CIB1: variants seen among roughly 807,000 people sequenced by gnomAD.
The protein encoded by CIB1 is calcium and integrin-binding protein 1.
CIB1 carries 19 observed loss-of-function variants against 25.0 expected under a neutral mutation model. That is an observed-to-expected ratio of 0.76 (90% confidence interval 0.53 to 1.12). The LOEUF is 1.12. Among genes scored for constraint, CIB1 ranks in the 50% most tolerant of loss-of-function variants. The probability of loss-of-function intolerance (pLI) is 0.00; values close to 1 mark genes in which losing one functional copy is unlikely to be tolerated. For missense variants in CIB1, 236 were observed against 242.6 expected (o/e 0.97, Z 0.18); for synonymous variants, 104 against 98.5 (o/e 1.06, Z -0.33).
the CIB1 span, among the ~76,000 whole-genome samples, chr15:90,251,124 T>C: frequency 7.2e-6 from 1 of 138,640 alleles, no homozygotes; most frequent in Non-Finnish European, 1.6e-5. Flanking sequence ...CTTTTTTTTT[T>C]TTTTTTTGAG....
the CIB1 span, among the ~76,000 whole-genome samples, chr15:90,251,114 C>CTTTTTTTTTTTTTTTTTTT: frequency 2.9e-5 from 3 of 104,672 alleles, no homozygotes; most frequent in African/African-American, 7.5e-5. Context: ...CCTGGTCTGT[C>CTTTTTTTTTTTTTTTTTTT]TTTTTTTTTT....
rs759438036 is a variant in CIB1 at position 90,231,522 on chromosome 15, G to A, written c.196-15C>T. The A allele has an allele frequency of 1.2e-5, 20 of 1,611,980 alleles. No individual in the cohort carries two copies. In the East Asian group the frequency reaches 2.0e-4, roughly 16 times the overall value. ...AAGGGGTTGGCCTAGGAGAACAAAC[G>A]CCACAGGACGTGGCCCAGGTCACAC... is the stretch of plus-strand genomic sequence containing the variant. On this transcript the variant is annotated splice_polypyrimidine_tract_variant and intron_variant, in intron 3 of 6. Transcript: ENST00000328649.
chr15:90,263,034 G>A, the CIB1 span: 3 of 1,536,138 alleles, frequency 2.0e-6, no homozygotes, highest in South Asian at 1.2e-5. Context: ...TGGAGCGGAT[G>A]AAGGCCCTGC....
At chr15:90,264,621 G>A in the CIB1 span, 17 of 1,351,266 alleles carry the variant, frequency 1.3e-5, no homozygotes, top group Middle Eastern at 2.6e-4. Flanking sequence ...AGCATGAGAT[G>A]CCCTTCCTCT....
chr15:90,248,786 C>A, the CIB1 span, among the ~76,000 whole-genome samples: 11 of 105,104 alleles, frequency 1.0e-4, no homozygotes, highest in Admixed American at 3.8e-4. Flanking sequence ...AGGATGGAAA[C>A]ATTTTAAGTG....
the CIB1 span, chr15:90,261,861 T>C: frequency 5.0e-6 from 3 of 599,190 alleles, no homozygotes; most frequent in Non-Finnish European, 8.4e-6. Flanking sequence ...TAGCCAAAGA[T>C]GGGCTTGGCA....
chr15:90,246,510 G>T, the CIB1 span, among the ~76,000 whole-genome samples: 1 of 152,016 alleles, frequency 6.6e-6, no homozygotes, highest in Non-Finnish European at 1.5e-5. Flanking sequence ...CTGAGGCCAG[G>T]TGTAGTGGCT....
chr15:90,233,336 A>C (rs1308797754), intron 2 of CIB1, among the ~76,000 whole-genome samples: 2 of 152,254 alleles, frequency 1.3e-5, no homozygotes, highest in African/African-American at 4.8e-5. Flanking sequence ...GGGCTCCCCA[A>C]GGCTTCTGTG....
At chr15:90,251,279 A>C in the CIB1 span, among the ~76,000 whole-genome samples, 1 of 65,340 alleles carries the variant, frequency 1.5e-5, no homozygotes, top group Non-Finnish European at 2.9e-5. Context: ...ACGCATGGCA[A>C]ATTTTTTTTT....
At chr15:90,265,279 AG>A in the CIB1 span, 1 of 1,227,582 alleles carries the variant, frequency 8.1e-7, no homozygotes, top group Non-Finnish European at 1.0e-6. Context: ...CCGGGGCTGG[AG>A]GCCATCCAGG....
At chr15:90,260,305 C>T in the CIB1 span, among the ~76,000 whole-genome samples, 5 of 151,694 alleles carry the variant, frequency 3.3e-5, no homozygotes, top group East Asian at 3.9e-4. Flanking sequence ...TGAGACCAGC[C>T]TGGGCAACAG....
the CIB1 span, among the ~76,000 whole-genome samples, chr15:90,260,478 T>C: frequency 9.2e-5 from 14 of 152,182 alleles, no homozygotes; most frequent in East Asian, 5.8e-4. Context: ...GCCTGGACGA[T>C]AGAGTGAGAC....
chr15:90,262,961 T>C, the CIB1 span: 83 of 1,535,322 alleles, frequency 5.4e-5, no homozygotes, highest in African/African-American at 1.1e-3. Context: ...TCATGTACCT[T>C]GTAGCTGCTG....
the CIB1 span, among the ~76,000 whole-genome samples, chr15:90,240,365 G>A: frequency 4.0e-5 from 6 of 151,032 alleles, no homozygotes; most frequent in Admixed American, 1.3e-4. Context: ...AAAATTAGCC[G>A]GGCCTGGTGG....
chr15:90,240,049 C>T, the CIB1 span, among the ~76,000 whole-genome samples: 1 of 151,760 alleles, frequency 6.6e-6, no homozygotes, highest in South Asian at 2.1e-4. Context: ...CATGGTGAAA[C>T]CCTGTCTCTA....
the CIB1 span, among the ~76,000 whole-genome samples, chr15:90,247,737 G>A: frequency 7.2e-6 from 1 of 138,486 alleles, no homozygotes. Context: ...AGATTTTTTT[G>A]TTTGCTTTTT....
chr15:90,231,643 C>A, intron 3 of CIB1, 136 bp from the exon 4 acceptor site: 1 of 1,019,622 alleles, frequency 9.8e-7, no homozygotes, highest in Non-Finnish European at 1.4e-6. Context: ...TGCTTTGGGG[C>A]CAACATGGAG....
chr15:90,232,248 C>T lies in CIB1; in HGVS notation c.166G>A (p.Glu56Lys). ...ESSLRAQVPFEQILSLPELKA... is the reference protein window; with the variant it reads ...ESSLRAQVPFKQILSLPELKA... ...AGCTCTGGAAGGCTGAGAATCTGCT[C>T]GAAGGGCACTTGTGCCCGAAGTGAC... Residue 56 changes from glutamate (E) to lysine (K), a missense_variant, in exon 3 of 7, where the codon GAG becomes AAG. Transcript: ENST00000328649. 2 of 1,612,632 alleles carry T rather than the reference C, an allele frequency of 1.2e-6. No individual in the cohort carries two copies. Among genetic ancestry groups the T allele is most frequent in the South Asian group, 1.1e-5 (1 of 90,846 alleles).
At chr15:90,258,162 T>TA in the CIB1 span, 1 of 1,614,238 alleles carries the variant, frequency 6.2e-7, no homozygotes, top group Non-Finnish European at 8.5e-7. Context: ...ACGCCACAAC[T>TA]ACCGAACCTG....
Sources: allele counts gnomAD v4.1 joint callset (sites outside exome capture counted in the v4.1 genomes callset), GRCh38; gene constraint gnomAD v4.1.1; transcripts MANE v1.5; gene names NCBI Gene and HGNC (gene_info 2026-07-23, HGNC 2026-07-21).